Variants in IRF4 observed in about 807,000 individuals in gnomAD.
IRF4 encodes interferon regulatory factor 4.
In IRF4, 13 loss-of-function variants were observed where a neutral mutation model predicts 55.5. The ratio of observed to expected loss-of-function variants is 0.23; its 90% CI spans 0.15 to 0.37. The LOEUF is 0.37. Among genes scored for constraint, IRF4 ranks in the 10% least tolerant of loss-of-function variants. IRF4 has a pLI of 1.00. For missense variants in IRF4, 397 were observed against 593.8 expected, an observed-to-expected ratio of 0.67 and a Z score of 3.44; for synonymous variants, 249 against 240.7, an observed-to-expected ratio of 1.03 and a Z score of -0.32.
intron 6 of IRF4, among the ~76,000 whole-genome samples, chr6:400,378 C>G (rs1761365582): frequency 6.6e-6 from 1 of 152,168 alleles, no homozygotes; most frequent in African/African-American, 2.4e-5. Context: ...GTTCTTTCAA[C>G]TCATGGGCGA....
Position 406,399 on chromosome 6 carries a change from G to A in IRF4, c.1213-1056G>A, listed in dbSNP as rs142397897. Among the ~76,000 whole-genome samples the A allele has an allele frequency of 2.2e-3, 335 of 152,138 alleles. 1 individual carries two copies. Among genetic ancestry groups the A allele is most frequent in the African/African-American group, 7.4e-3 (308 of 41,512 alleles). ...TCTACTAAAAATACAAAAATTAGCCGGGCGTGGTGGTGCGCACCTGTAATC... is the reference window on the plus strand; with the variant it reads ...TCTACTAAAAATACAAAAATTAGCCAGGCGTGGTGGTGCGCACCTGTAATC... On this transcript the variant is annotated intron_variant, in intron 8 of 8. Coordinates refer to ENST00000380956, the MANE Select transcript of IRF4 (RefSeq NM_002460.4).
chr6:401,620 C>T lies in IRF4; in HGVS notation c.942C>T (p.Gly314=), dbSNP rs373069653. 14 of 1,614,018 alleles carry T rather than the reference C, an allele frequency of 8.7e-6. No homozygotes were observed. Among genetic ancestry groups the T allele is most frequent in the East Asian group, 6.7e-5 (3 of 44,902 alleles). The change falls in exon 7 of 9, where the codon GGC becomes GGT. Residue 314 remains glycine (G), a synonymous_variant. Transcript: ENST00000380956. Reference sequence around the variant, plus strand: ...AGCTGCTGAGCCACCTGGAGAGGGGCGTGGTCCTCTGGATGGCCCCCGACG... The same window carrying T: ...AGCTGCTGAGCCACCTGGAGAGGGGTGTGGTCCTCTGGATGGCCCCCGACG... ...IEKLLSHLER[G]VVLWMAPDGL...
chr6:407,365 G>T (rs73717079), intron 8 of IRF4, 90 bp from the exon 9 acceptor site: 21,069 of 1,249,466 alleles, frequency 0.017, 256 homozygotes, highest in African/African-American at 0.045. Flanking sequence ...TGGGCTTTAC[G>T]TTACTGTCTC....
chr6:399,279 G>T (rs547898873), intron 6 of IRF4, among the ~76,000 whole-genome samples: 3 of 152,240 alleles, frequency 2.0e-5, no homozygotes, highest in African/African-American at 7.2e-5. Context: ...TGGAATAATT[G>T]CTTGGAAGTG....
In IRF4 at chr6:393,627, G is replaced by A. The variant is rs1256941470; in HGVS notation, c.216+259G>A. ...AACCGCTGAAGGCCCGGCCGGGCCC[G>A]GGGAAGGGCGGCCAAAGGCTTGAGG... On this transcript the variant is annotated intron_variant, in intron 2 of 8. Transcript: ENST00000380956. This position sits in a 1 kb window ranked among gnomAD's most constrained non-coding sequence, Gnocchi z 5.4. Among the ~76,000 whole-genome samples the A allele has an allele frequency of 1.3e-5, 2 of 151,134 alleles. No homozygotes were observed. Among genetic ancestry groups the A allele is most frequent in the African/African-American group, 4.8e-5 (2 of 41,352 alleles).
Position 393,412 on chromosome 6 carries a change from C to T in IRF4, c.216+44C>T, listed in dbSNP as rs750904359. The T allele has an allele frequency of 7.3e-7, 1 of 1,372,768 alleles. No homozygotes were observed. Among genetic ancestry groups the T allele is most frequent in the Non-Finnish European group, 9.8e-7 (1 of 1,022,598 alleles). 85.0% of individuals were successfully genotyped at this position (1,372,768 alleles called of 1,614,324 possible). On this transcript the variant is annotated intron_variant, in intron 2 of 8. Transcript: ENST00000380956. This position sits in a 1 kb window ranked among gnomAD's most constrained non-coding sequence, Gnocchi z 5.4. Reference sequence around the variant, plus strand: ...CGGCGGGGGCGCGCCGGGGAGGGCCCAGAGACAGAGCCCGGGGTCCCCGGC... The same window carrying T: ...CGGCGGGGGCGCGCCGGGGAGGGCCTAGAGACAGAGCCCGGGGTCCCCGGC...
In IRF4 at chr6:394,835, T is replaced by C. The variant is rs1168167741; in HGVS notation, c.231T>C (p.Phe77=). Residue 77 remains phenylalanine, a synonymous_variant, in exon 3 of 9, where the codon TTT becomes TTC. Coordinates refer to ENST00000380956, the MANE Select transcript of IRF4 (RefSeq NM_002460.4). ...DAALFKAWAL[F]KGKFREGIDK... ...TTTCCCACCAGGCTTGGGCACTGTT[T>C]AAAGGAAAGTTCCGAGAAGGCATCG... 1.2e-6 allele frequency: 2 copies of C among 1,613,880 alleles called. No individual in the cohort carries two copies. Among genetic ancestry groups the C allele is most frequent in the Admixed American group, 1.7e-5 (1 of 59,966 alleles).
intron 1 of IRF4, among the ~76,000 whole-genome samples, chr6:392,072 A>C (rs1021768842): frequency 1.3e-5 from 2 of 151,976 alleles, no homozygotes; most frequent in Non-Finnish European, 2.9e-5. Flanking sequence ...GGGTCGCCAC[A>C]AGCTGGACGG....
Position 408,730 on chromosome 6 carries a change from C to T in IRF4, c.*1132C>T, listed in dbSNP as rs1042904646. ...TTGGCTGTCCAGCGATCAGCCATGG[C>T]GACACTAAAGGAGGAGGAGCCGGGG... On this transcript the variant is annotated 3_prime_UTR_variant, in exon 9 of 9. Coordinates refer to ENST00000380956, the MANE Select transcript of IRF4 (RefSeq NM_002460.4). 6 of 231,546 alleles carry T rather than the reference C, an allele frequency of 2.6e-5. No individual in the cohort carries two copies. The highest frequency in any genetic ancestry group is 5.1e-5 in the Non-Finnish European group (6 of 116,940). The allele number at this position is 231,546 out of a possible 1,614,324, so 14.3% of individuals were successfully genotyped here.
In IRF4 at chr6:398,933, C is replaced by G; in HGVS notation, c.743C>G (p.Ser248Ter). 1 of 1,606,432 alleles carries G rather than the reference C, an allele frequency of 6.2e-7. No homozygotes were observed. The highest frequency in any genetic ancestry group is 8.5e-7 in the Non-Finnish European group (1 of 1,175,498). ...AGGTCTGCCGAAGCCTTGGCGTTCTCAGGTGAGTGCAGGGTTTGCTCCTGG... is the reference window on the plus strand; with the variant it reads ...AGGTCTGCCGAAGCCTTGGCGTTCTGAGGTGAGTGCAGGGTTTGCTCCTGG... ...SIRSAEALAF[S>*]DCRLHICLYY... The change falls in exon 6 of 9, where the codon TCA becomes TGA. Residue 248 changes from serine (S) to a stop codon, truncating the protein, a stop_gained and splice_region_variant. Coordinates refer to ENST00000380956, the MANE Select transcript of IRF4 (RefSeq NM_002460.4). LOFTEE classifies it high-confidence loss of function.
chr6:406,613 G>C (rs1410765556), intron 8 of IRF4, among the ~76,000 whole-genome samples: 2 of 152,124 alleles, frequency 1.3e-5, no homozygotes, highest in African/African-American at 4.8e-5. Context: ...AGTTGACATG[G>C]ATGCAAGTCA....
intron 3 of IRF4, among the ~76,000 whole-genome samples, 157 bp downstream of exon 3, chr6:395,164 A>C (rs1380825294): frequency 2.0e-5 from 3 of 151,416 alleles, no homozygotes; most frequent in African/African-American, 7.3e-5. Context: ...TGCCTGAGTT[A>C]TGTGGGTCAC....
rs751037944 is a variant in IRF4 at position 393,273 on chromosome 6, G to C, written c.121G>C (p.Val41Leu). The C allele has an allele frequency of 1.4e-5, 22 of 1,601,988 alleles. 1 individual carries two copies. In the South Asian group the frequency reaches 2.5e-4, roughly 18 times the overall value. The change falls in exon 2 of 9, where the codon GTG (valine) becomes CTG (leucine). Residue 41 changes from valine (V) to leucine (L), a missense_variant. By Grantham distance (32) the Val-to-Leu change is conservative. This residue lies in a region of IRF4 where 341 missense variants were observed against 548.1 expected (regional missense o/e 0.62). Transcript: ENST00000380956. The surrounding 1 kb of genome is among the most constrained non-coding windows in gnomAD (Gnocchi z 5.4). ...CGACAGCGGCAAGTACCCCGGGCTG[G>C]TGTGGGAGAACGAGGAGAAGAGCAT... is the stretch of plus-strand genomic sequence containing the variant. ...QIDSGKYPGL[V>L]WENEEKSIFR...
rs1197449577 is a variant in IRF4 at position 393,131 on chromosome 6, G to C, written c.-22G>C. On this transcript the variant is annotated 5_prime_UTR_variant, in exon 2 of 9. Coordinates refer to ENST00000380956, the MANE Select transcript of IRF4 (RefSeq NM_002460.4). The surrounding 1 kb of genome is among the most constrained non-coding windows in gnomAD (Gnocchi z 5.4). Reference sequence around the variant, plus strand: ...AGAGCGGGCGGAGGACCCCGGGCGCGGGCGCGGACGGCACGCGGGGCATGA... The same window carrying C: ...AGAGCGGGCGGAGGACCCCGGGCGCCGGCGCGGACGGCACGCGGGGCATGA... 1 of 1,545,644 alleles carries C rather than the reference G, an allele frequency of 6.5e-7. No homozygotes were observed. Among genetic ancestry groups the C allele is most frequent in the Admixed American group, 2.0e-5 (1 of 50,808 alleles).
chr6:399,535 A>ATCT lies in IRF4; in HGVS notation c.745+602_745+604dup, dbSNP rs1304898890. 4.6e-5 allele frequency among the ~76,000 whole-genome samples: 7 copies of ATCT among 150,764 alleles called. No homozygotes were observed. The East Asian group carries it at 1.2e-3, about 25-fold the overall frequency. On this transcript the variant is annotated intron_variant, in intron 6 of 8. Transcript: ENST00000380956. The stretch of plus-strand genomic sequence containing the variant: ...AAAAAAAAATCCCTGCACCATGGAG[A>ATCT]TCTTACCTACTATAAAGAAGGCACC...
intron 1 of IRF4, 145 bp from the exon 2 acceptor site, chr6:392,953 G>T: frequency 2.0e-6 from 1 of 500,024 alleles, no homozygotes; most frequent in Non-Finnish European, 3.5e-6. Flanking sequence ...GCCTTCTTCC[G>T]GGGGCCCGGA....
chr6:398,478 C>T (rs1294426881), intron 5 of IRF4, among the ~76,000 whole-genome samples: 2 of 152,238 alleles, frequency 1.3e-5, no homozygotes, highest in Non-Finnish European at 2.9e-5. Flanking sequence ...CTCAAGTAGA[C>T]CTGAACTCTC....
Position 393,748 on chromosome 6 carries a change from C to T in IRF4, c.216+380C>T, listed in dbSNP as rs1330730009. 6.6e-6 allele frequency among the ~76,000 whole-genome samples: 1 copy of T among 152,206 alleles called. No homozygotes were observed. The highest frequency in any genetic ancestry group is 1.5e-5 in the Non-Finnish European group (1 of 68,028). On this transcript the variant is annotated intron_variant, in intron 2 of 8. Transcript: ENST00000380956. The surrounding 1 kb of genome is among the most constrained non-coding windows in gnomAD (Gnocchi z 5.4). Reference sequence around the variant, plus strand: ...GCCGCCTCCGTCCGTGGGTCCCCCTCGCCCTCTCCGTGCGTCCGCGCCTGT... The same window carrying T: ...GCCGCCTCCGTCCGTGGGTCCCCCTTGCCCTCTCCGTGCGTCCGCGCCTGT...
At chr6:404,974 A>G in intron 7 of IRF4, 44 bp from the exon 8 acceptor site, 2 of 1,230,914 alleles carry the variant, frequency 1.6e-6, no homozygotes, top group South Asian at 2.4e-5. Context: ...GTGTTCGGTG[A>G]TGAGGGTTTC....
Sources: gnomAD v4.1 joint callset for allele counts (sites outside exome capture counted in the v4.1 genomes callset) on GRCh38, gnomAD v4.1.1 for gene constraint, gnomAD v4.1.1 regional missense constraint, Gnocchi (gnomAD v3.1) non-coding constraint, MANE v1.5 for transcripts, NCBI Gene and HGNC (gene_info 2026-07-23, HGNC 2026-07-21) for gene names.